Variants in YES1 observed in about 807,000 individuals in gnomAD.
The protein encoded by YES1 is YES proto-oncogene 1, Src family tyrosine kinase, also known as tyrosine-protein kinase Yes.
YES1 carries 39 observed loss-of-function variants against 70.4 expected under a neutral mutation model. That is an observed-to-expected ratio of 0.55 (90% CI 0.43 to 0.72). The LOEUF is 0.72. Ranked by LOEUF, YES1 falls within the 30% of genes least tolerant of loss-of-function variation. The pLI, the probability that YES1 is intolerant of heterozygous loss-of-function variation, is 0.00. For missense variants in YES1, 495 were observed against 644.8 expected, an observed-to-expected ratio of 0.77 and a Z score of 2.52; for synonymous variants, 198 against 218.6, an observed-to-expected ratio of 0.91 and a Z score of 0.83.
At chr18:746,312 C>G (rs1433960200) in intron 4 of YES1, among the ~76,000 whole-genome samples, 1 of 152,096 alleles carries the variant, frequency 6.6e-6, no homozygotes, top group Non-Finnish European at 1.5e-5. Flanking sequence ...GTCACAGGAA[C>G]AGTAGAGAGG....
At chr18:766,120 T>C (rs1283893507) in intron 1 of YES1, among the ~76,000 whole-genome samples, 1 of 152,222 alleles carries the variant, frequency 6.6e-6, no homozygotes, top group East Asian at 1.9e-4. Flanking sequence ...GTGATTTTGT[T>C]GATCCTTCTT....
chr18:753,742 T>A (rs2080372150), intron 2 of YES1, among the ~76,000 whole-genome samples: 1 of 152,166 alleles, frequency 6.6e-6, no homozygotes, highest in Non-Finnish European at 1.5e-5. Context: ...TGAGTCGGCC[T>A]CCCAAAGTGC....
intron 1 of YES1, among the ~76,000 whole-genome samples, chr18:786,264 G>C (rs1905934480): frequency 6.6e-6 from 1 of 151,342 alleles, no homozygotes; most frequent in South Asian, 2.1e-4. Context: ...GATGGGGTGG[G>C]GGTGGGGGTT....
At chr18:739,174 C>G (rs903122818) in intron 9 of YES1, 5 of 152,162 alleles carry the variant, frequency 3.3e-5, no homozygotes, top group Non-Finnish European at 4.4e-5. Context: ...CACCACTGGA[C>G]TAAGAGTTAG....
chr18:799,683 A>T (rs1906721201), intron 1 of YES1, among the ~76,000 whole-genome samples: 1 of 152,174 alleles, frequency 6.6e-6, no homozygotes, highest in Admixed American at 6.5e-5. Context: ...AGCCTGGGCA[A>T]CAGAGCGAGA....
intron 11 of YES1, among the ~76,000 whole-genome samples, chr18:727,670 A>G (rs1041117503): frequency 3.3e-5 from 5 of 152,172 alleles, no homozygotes; most frequent in Non-Finnish European, 7.3e-5. Flanking sequence ...CAAAATAAGT[A>G]CTTTTACCTG....
At position 758,495 on chromosome 18, in the gene YES1, G is replaced by A. The variant is rs984967422; in HGVS notation, c.-8-1660C>T. Among the ~76,000 whole-genome samples, 18 of 152,124 alleles carry A rather than the reference G, an allele frequency of 1.2e-4. 1 individual carries two copies. The highest frequency in any genetic ancestry group is 1.0e-3 in the South Asian group (5 of 4,816). On this transcript the variant is annotated intron_variant, in intron 1 of 11. Coordinates refer to ENST00000314574, the MANE Select transcript of YES1 (RefSeq NM_005433.4). ...CAAATCTTGTTTCCCCAGTGCATATGCCCTGTGCTTTCCCATTTTGGGTTT... is the reference window on the plus strand; with the variant it reads ...CAAATCTTGTTTCCCCAGTGCATATACCCTGTGCTTTCCCATTTTGGGTTT...
intron 1 of YES1, among the ~76,000 whole-genome samples, chr18:800,823 G>T (rs1398143941): frequency 1.3e-5 from 2 of 152,168 alleles, no homozygotes; most frequent in Non-Finnish European, 2.9e-5. Flanking sequence ...CAAGGTCGGG[G>T]AGGATCATGC....
Position 756,606 on chromosome 18 carries a change from T to C in YES1, c.222A>G (p.Ala74=), listed in dbSNP as rs979630117. Residue 74 remains alanine (A), a synonymous_variant, in exon 2 of 12, where the codon GCA becomes GCG. Coordinates refer to ENST00000314574, the MANE Select transcript of YES1 (RefSeq NM_005433.4). ...TTGGCACCACTGAAAATGAGGAAGA[T>C]GCACCTCCAAAAGGCGTTACCCCTG... ...GSSGVTPFGG[A]SSSFSVVPSS... is the part of the protein sequence containing the mutation. 6 of 1,614,060 alleles carry C rather than the reference T, an allele frequency of 3.7e-6. No homozygotes were observed. The African/African-American group carries it at 5.3e-5, about 14-fold the overall frequency.
At chr18:725,664 G>A (rs1372077933) in intron 11 of YES1, among the ~76,000 whole-genome samples, 1 of 151,904 alleles carries the variant, frequency 6.6e-6, no homozygotes, top group Non-Finnish European at 1.5e-5. Context: ...CAAGGCGGGT[G>A]ATCATCTGAG....
At chr18:743,510 A>G in intron 6 of YES1, 95 bp from the exon 7 acceptor site, 1 of 1,043,130 alleles carries the variant, frequency 9.6e-7, no homozygotes. Flanking sequence ...TAGAAAAACA[A>G]AAACAGAAGT....
At chr18:751,951 G>A (rs1270131012) in intron 2 of YES1, 147 bp from the exon 3 acceptor site, 1 of 630,102 alleles carries the variant, frequency 1.6e-6, no homozygotes, top group East Asian at 2.7e-5. Context: ...TGGAACTACT[G>A]AAGAATTTTA....
Position 726,979 on chromosome 18 carries a change from C to T in YES1, c.1424-2347G>A, listed in dbSNP as rs192818080. 7.9e-5 allele frequency among the ~76,000 whole-genome samples: 12 copies of T among 152,128 alleles called. No individual in the cohort carries two copies. The East Asian group carries it at 1.9e-3, about 24-fold the overall frequency. On this transcript the variant is annotated intron_variant, in intron 11 of 11. Transcript: ENST00000314574. ...GAACAGTAGGCAATGGATCGGTCCACGCTACATGTGGAAAGTTCTTTCCAA... is the reference window on the plus strand; with the variant it reads ...GAACAGTAGGCAATGGATCGGTCCATGCTACATGTGGAAAGTTCTTTCCAA...
chr18:763,731 G>A (rs980621946), intron 1 of YES1, among the ~76,000 whole-genome samples: 2 of 147,624 alleles, frequency 1.4e-5, no homozygotes, highest in Admixed American at 6.8e-5. Flanking sequence ...AAAAAGACGA[G>A]CTGGAACAGT....
chr18:792,563 ATATGTGTG>A (rs1349355748), intron 1 of YES1, among the ~76,000 whole-genome samples: 5 of 104,528 alleles, frequency 4.8e-5, no homozygotes, highest in Non-Finnish European at 8.0e-5. Context: ...CTCCCTCTGT[ATATGTGTG>A]TGTGTGTGTG....
chr18:758,831 T>C (rs952287060), intron 1 of YES1, among the ~76,000 whole-genome samples: 2 of 152,218 alleles, frequency 1.3e-5, no homozygotes, highest in African/African-American at 2.4e-5. Flanking sequence ...TTACCTACCG[T>C]ATTATCTATC....
At chr18:790,951 T>C (rs1222126360) in intron 1 of YES1, among the ~76,000 whole-genome samples, 1 of 152,134 alleles carries the variant, frequency 6.6e-6, no homozygotes, top group Non-Finnish European at 1.5e-5. Context: ...TTCAAAAAAA[T>C]ATTTTTTTAA....
rs563566139 is a variant in YES1 at position 787,871 on chromosome 18, A to G, written c.-9+24243T>C. The G allele has an allele frequency of 3.3e-5, 5 of 152,300 alleles. No individual in the cohort carries two copies. The South Asian group carries it at 8.3e-4, about 25-fold the overall frequency. The allele number at this position is 152,300 out of a possible 1,614,324, so 9.4% of individuals were successfully genotyped here. ...GACTGATATTAATCCATAGATCGAC[A>G]TATATCAAATTAATTTACTAGTTAT... On this transcript the variant is annotated intron_variant, in intron 1 of 11. Coordinates refer to ENST00000314574, the MANE Select transcript of YES1 (RefSeq NM_005433.4).
chr18:752,858 G>A (rs1385184771), intron 2 of YES1, among the ~76,000 whole-genome samples: 8 of 152,216 alleles, frequency 5.3e-5, no homozygotes, highest in South Asian at 2.1e-4. Context: ...CAGGAGAATC[G>A]CTTGAAACCC....
Sources: gnomAD v4.1 joint callset for allele counts (sites outside exome capture counted in the v4.1 genomes callset) on GRCh38, gnomAD v4.1.1 for gene constraint, MANE v1.5 for transcripts, NCBI Gene and HGNC (gene_info 2026-07-23, HGNC 2026-07-21) for gene names.